The following NRXN1 variants were observed in gnomAD, a reference collection of about 807,000 sequenced individuals.
NRXN1 encodes neurexin-1.
A neutral mutation model predicts 150.9 loss-of-function variants in NRXN1; 39 were observed. The ratio of observed to expected loss-of-function variants is 0.26; its 90% confidence interval spans 0.20 to 0.34. The LOEUF is 0.34. Ranked by LOEUF, NRXN1 falls within the 10% of genes least tolerant of loss-of-function variation. The probability of loss-of-function intolerance (pLI) is 1.00; values close to 1 mark genes in which losing one functional copy is unlikely to be tolerated. For missense variants in NRXN1, 1,815 were observed against 1,949.9 expected (o/e 0.93, Z 1.30); for synonymous variants, 924 against 757.0 (o/e 1.22, Z -3.62).
At chr2:50,551,050 G>GGAAGAGGAGGAA in intron 9 of NRXN1, among the ~76,000 whole-genome samples, 1 of 79,016 alleles carries the variant, frequency 1.3e-5, no homozygotes, top group South Asian at 5.0e-4. Flanking sequence ...AAGAGGAAGA[G>GGAAGAGGAGGAA]GAAGAAGAAG....
At chr2:50,219,979 T>TA (rs1198378238) in intron 18 of NRXN1, among the ~76,000 whole-genome samples, 1 of 47,154 alleles carries the variant, frequency 2.1e-5, no homozygotes, top group Non-Finnish European at 3.4e-5. Flanking sequence ...ATATATAATA[T>TA]ATATATTATA....
chr2:50,334,242 G>A (rs993809258), intron 17 of NRXN1, among the ~76,000 whole-genome samples: 4 of 132,106 alleles, frequency 3.0e-5, no homozygotes, highest in African/African-American at 3.4e-5. Context: ...CGGGCCTCAC[G>A]TCTAGGCAAA....
chr2:50,082,729 T>G (rs1486385630), intron 19 of NRXN1, among the ~76,000 whole-genome samples: 1 of 152,182 alleles, frequency 6.6e-6, no homozygotes, highest in African/African-American at 2.4e-5. Context: ...CCTACTTTAT[T>G]GAGCTCTTGT....
intron 17 of NRXN1, among the ~76,000 whole-genome samples, chr2:50,290,377 G>A (rs2072763914): frequency 1.3e-5 from 2 of 152,246 alleles, no homozygotes; most frequent in Middle Eastern, 3.4e-3. Flanking sequence ...AATAAGGGAG[G>A]AAGAAAATAA....
chr2:50,198,270 A>G (rs2061905294), intron 18 of NRXN1, among the ~76,000 whole-genome samples: 1 of 152,166 alleles, frequency 6.6e-6, no homozygotes, highest in South Asian at 2.1e-4. Flanking sequence ...AAACATTTAG[A>G]TAATTAAATA....
At chr2:50,540,452 G>A (rs568526822) in intron 9 of NRXN1, among the ~76,000 whole-genome samples, 1 of 151,996 alleles carries the variant, frequency 6.6e-6, no homozygotes, top group African/African-American at 2.4e-5. Flanking sequence ...ATCATTACAC[G>A]CATTTTAAAG....
intron 21 of NRXN1, among the ~76,000 whole-genome samples, chr2:49,948,314 C>T (rs896022191): frequency 6.6e-6 from 1 of 151,944 alleles, no homozygotes; most frequent in Non-Finnish European, 1.5e-5. Context: ...TCAGTGTTAC[C>T]TTCTGCAAAA....
chr2:50,368,281 G>T (rs1206695444), intron 17 of NRXN1, among the ~76,000 whole-genome samples: 1 of 151,766 alleles, frequency 6.6e-6, no homozygotes, highest in African/African-American at 2.4e-5. Flanking sequence ...CTCCTTATGA[G>T]ACTCCCAAAT....
intron 19 of NRXN1, among the ~76,000 whole-genome samples, chr2:50,078,565 C>T (rs1357473714): frequency 6.6e-6 from 1 of 152,056 alleles, no homozygotes; most frequent in Non-Finnish European, 1.5e-5. Flanking sequence ...ATTGCAGGAT[C>T]TAACCCAGCT....
At chr2:50,102,009 A>C (rs541570399) in intron 18 of NRXN1, among the ~76,000 whole-genome samples, 5 of 152,090 alleles carry the variant, frequency 3.3e-5, no homozygotes, top group African/African-American at 1.2e-4. Flanking sequence ...TTAGGAAAAA[A>C]ATGTGTGTAT....
chr2:50,373,291 TTTTTTA>T (rs1156261236), intron 17 of NRXN1, among the ~76,000 whole-genome samples: 289 of 38,786 alleles, frequency 7.5e-3, no homozygotes, highest in East Asian at 0.034. Context: ...TTTTATTTTA[TTTTTTA>T]TTATTATTAT....
intron 21 of NRXN1, among the ~76,000 whole-genome samples, chr2:49,968,816 A>G (rs2152492732): frequency 6.6e-6 from 1 of 152,188 alleles, no homozygotes; most frequent in East Asian, 1.9e-4. Context: ...ATAGGGTAAA[A>G]TAGTTAGGCC....
intron 2 of NRXN1, among the ~76,000 whole-genome samples, chr2:50,967,917 A>G (rs985786477): frequency 1.3e-5 from 2 of 152,026 alleles, no homozygotes; most frequent in African/African-American, 4.8e-5. Context: ...TTAGCATGGC[A>G]ATTTTGGCAT....
intron 18 of NRXN1, among the ~76,000 whole-genome samples, chr2:50,101,388 TA>T (rs1325602865): frequency 1.3e-5 from 2 of 152,064 alleles, no homozygotes; most frequent in Non-Finnish European, 2.9e-5. Context: ...GGTTTTCCTA[TA>T]AAAGAGCTTT....
rs974215795 is a variant in NRXN1, at chr2:50,277,801, G to T, written c.3365-40831C>A. ...AAAATTTCAGGATTGGAGCTGAAGG[G>T]TGCACCCATCTTTATTTTTCTGCTT... On this transcript the variant is annotated intron_variant, in intron 17 of 22. Transcript: ENST00000401669. Among the ~76,000 whole-genome samples, 13 of 152,062 alleles carry T rather than the reference G, an allele frequency of 8.5e-5. No homozygotes were observed. The East Asian group carries it at 2.3e-3, about 27-fold the overall frequency.
chr2:50,562,453 A>G (rs896394752), intron 8 of NRXN1, among the ~76,000 whole-genome samples: 1 of 152,044 alleles, frequency 6.6e-6, no homozygotes, highest in South Asian at 2.1e-4. Flanking sequence ...ATTTTAATAT[A>G]TTATTACTTT....
At position 50,884,047 on chromosome 2, in the gene NRXN1, C is replaced by T. The variant is rs542170435; in HGVS notation, c.832+37822G>A. On this transcript the variant is annotated intron_variant, in intron 5 of 22. Transcript: ENST00000401669. ...ATTTATCTGTATTCTTAGTATGCTT[C>T]GATAAAAAGTTAAGAAGGTAAATAT... Among the ~76,000 whole-genome samples, 135 of 151,494 alleles carry T rather than the reference C, an allele frequency of 8.9e-4. 3 individuals carry two copies. The South Asian group carries it at 0.024, about 27-fold the overall frequency.
intron 5 of NRXN1, among the ~76,000 whole-genome samples, chr2:50,826,362 A>G (rs961811865): frequency 1.3e-5 from 2 of 152,180 alleles, no homozygotes; most frequent in Admixed American, 1.3e-4. Context: ...AAGACAGGTA[A>G]AGCCAATGAG....
intron 15 of NRXN1, among the ~76,000 whole-genome samples, chr2:50,495,345 CGTGTGTGTGT>C (rs71404957): frequency 1.3e-5 from 1 of 76,076 alleles, no homozygotes; most frequent in East Asian, 3.4e-4. Context: ...AGAAGCATTC[CGTGTGTGTGT>C]GTGTGTGTGT....
Sources: allele counts gnomAD v4.1 joint callset (sites outside exome capture counted in the v4.1 genomes callset), GRCh38; gene constraint gnomAD v4.1.1; transcripts MANE v1.5; gene names NCBI Gene and HGNC (gene_info 2026-07-23, HGNC 2026-07-21).